The following CSPP1 variants were observed in gnomAD, a reference collection of about 807,000 sequenced individuals.
The protein encoded by CSPP1 is centrosome and spindle pole-associated protein 1.
CSPP1 carries 126 observed loss-of-function variants against 164.4 expected under a neutral mutation model. That is an observed-to-expected ratio of 0.77 (90% CI 0.66 to 0.89). The LOEUF is 0.89. Ranked by LOEUF, CSPP1 falls within the 40% of genes least tolerant of loss-of-function variation. CSPP1 has a pLI of 0.00. For missense variants in CSPP1, 1,395 were observed against 1,449.8 expected (o/e 0.96, Z 0.61); for synonymous variants, 472 against 476.7 (o/e 0.99, Z 0.13).
intron 24 of CSPP1, among the ~76,000 whole-genome samples, chr8:67,168,339 GGGGAGA>G (rs1189666856): frequency 6.7e-5 from 10 of 149,836 alleles, no homozygotes; most frequent in African/African-American, 2.5e-4. Flanking sequence ...GGAGGGGGAG[GGGGAGA>G]GGGAGAGGGA....
At chr8:67,106,180 ATCT>A (rs777566683) in intron 9 of CSPP1, among the ~76,000 whole-genome samples, 4 of 152,062 alleles carry the variant, frequency 2.6e-5, no homozygotes, top group Non-Finnish European at 5.9e-5. Context: ...AATTTTATGT[ATCT>A]TCTTATTTTT....
At chr8:67,115,559 C>G (rs544914060) in intron 12 of CSPP1, among the ~76,000 whole-genome samples, 1 of 152,088 alleles carries the variant, frequency 6.6e-6, no homozygotes, top group Non-Finnish European at 1.5e-5. Flanking sequence ...GTAACCCCAG[C>G]TACTCTGAGG....
At chr8:67,192,367 G>A (rs557896857) in intron 29 of CSPP1, among the ~76,000 whole-genome samples, 184 of 152,208 alleles carry the variant, frequency 1.2e-3, no homozygotes, top group Middle Eastern at 0.01. Flanking sequence ...GAGCCACCGC[G>A]CCCAGCCCTT....
Position 67,095,473 on chromosome 8 carries a change from G to A in CSPP1, c.664G>A (p.Asp222Asn). Residue 222 changes from aspartate (D) to asparagine (N), a missense_variant, in exon 7 of 31, where the codon GAT (aspartate) becomes AAT (asparagine). Coordinates refer to ENST00000678616, the MANE Select transcript of CSPP1 (RefSeq NM_001382391.1). Reference protein sequence around the residue: ...LEEDRYRQLDDEIELRNRRII... With the variant: ...LEEDRYRQLDNEIELRNRRII... ...GGAGGACAGATACCGACAACTAGAT[G>A]ATGAAATCGAATTAAGGAATAGAAG... 6.2e-7 allele frequency: 1 copy of A among 1,613,392 alleles called. No individual in the cohort carries two copies. The highest frequency in any genetic ancestry group is 8.5e-7 in the Non-Finnish European group (1 of 1,179,860).
At chr8:67,193,694 A>G in intron 30 of CSPP1, 92 bp downstream of exon 30, 3 of 1,164,282 alleles carry the variant, frequency 2.6e-6, no homozygotes, top group Non-Finnish European at 3.7e-6. Context: ...TGAGGGATAG[A>G]TGGAATGAGT....
rs572686123 is a variant in CSPP1 at position 67,094,296 on chromosome 8, C to T, written c.483+655C>T. Among the ~76,000 whole-genome samples, 12 of 112,720 alleles carry T rather than the reference C, an allele frequency of 1.1e-4. No individual in the cohort carries two copies. In the South Asian group the frequency reaches 1.8e-3, roughly 17 times the overall value. The allele number at this position is 112,720 out of a possible 152,430, so 73.9% of individuals were successfully genotyped here. On this transcript the variant is annotated intron_variant, in intron 6 of 30. Transcript: ENST00000678616. ...CTTTTTTTTTTTTTTTTTTTTGAGA[C>T]GGAGTCTTGCTCTGTCACCCAGGCT... is the stretch of plus-strand genomic sequence containing the variant.
At chr8:67,091,177 A>G (rs1489877341) in intron 4 of CSPP1, among the ~76,000 whole-genome samples, 2 of 152,210 alleles carry the variant, frequency 1.3e-5, no homozygotes, top group Non-Finnish European at 2.9e-5. Flanking sequence ...TCTGTCAGAA[A>G]AGTTAAGTGA....
chr8:67,113,177 G>A (rs752932044), intron 10 of CSPP1, among the ~76,000 whole-genome samples: 9 of 152,092 alleles, frequency 5.9e-5, no homozygotes, highest in Non-Finnish European at 7.3e-5. Flanking sequence ...CCTGGGAGGC[G>A]GAGTTTGCAG....
Position 67,092,146 on chromosome 8 carries a change from C to A in CSPP1, c.384+263C>A, listed in dbSNP as rs960074913. Among the ~76,000 whole-genome samples the A allele has an allele frequency of 2.0e-5, 3 of 151,936 alleles. No homozygotes were observed. The East Asian group carries it at 5.8e-4, about 29-fold the overall frequency. On this transcript the variant is annotated intron_variant, in intron 5 of 30. Transcript: ENST00000678616. ...ATTCAGTTATACTTAACTGAATATT[C>A]AGAATTCATTTTTTTCAGCATTGAT... is the stretch of plus-strand genomic sequence containing the variant.
chr8:67,151,246 A>G (rs1283429293), intron 18 of CSPP1, among the ~76,000 whole-genome samples: 1 of 152,226 alleles, frequency 6.6e-6, no homozygotes, highest in Non-Finnish European at 1.5e-5. Flanking sequence ...TTTGATTTTT[A>G]GAGCACTAAA....
chr8:67,172,553 G>A lies in CSPP1; in HGVS notation c.2966G>A (p.Arg989Lys), dbSNP rs753413923. 3 of 1,610,124 alleles carry A rather than the reference G, an allele frequency of 1.9e-6. 1 individual carries two copies. In the Admixed American group the frequency reaches 5.0e-5, roughly 27 times the overall value. The change falls in exon 25 of 31, where the codon AGA becomes AAA. Residue 989 changes from arginine to lysine, a missense_variant and splice_region_variant. Coordinates refer to ENST00000678616, the MANE Select transcript of CSPP1 (RefSeq NM_001382391.1). ...NVHDFNELKD[R>K]DSETRVDLKF... ...CATGATTTTAATGAGCTGAAAGATA[G>A]AGGTGAGTAGATTGCTGCTCTTTTA...
chr8:67,193,121 G>GA (rs1400834397), intron 29 of CSPP1, among the ~76,000 whole-genome samples: 2 of 151,978 alleles, frequency 1.3e-5, no homozygotes, highest in African/African-American at 4.8e-5. Context: ...TGATTTGCTG[G>GA]TTTTTTTCTT....
At chr8:67,194,619 T>TCAAA (rs1837371530) in intron 30 of CSPP1, among the ~76,000 whole-genome samples, 1 of 152,038 alleles carries the variant, frequency 6.6e-6, no homozygotes, top group Non-Finnish European at 1.5e-5. Context: ...CATTGTCCTT[T>TCAAA]CAAACAGGAG....
In CSPP1 at chr8:67,193,611, C is replaced by T. The variant is rs1258927632; in HGVS notation, c.3469+9C>T. 2 of 1,610,428 alleles carry T rather than the reference C, an allele frequency of 1.2e-6. No homozygotes were observed. The highest frequency in any genetic ancestry group is 1.7e-6 in the Non-Finnish European group (2 of 1,177,548). On this transcript the variant is annotated intron_variant, in intron 30 of 30. Coordinates refer to ENST00000678616, the MANE Select transcript of CSPP1 (RefSeq NM_001382391.1). ...TAAACCTATTAATACAGGTAAATGA[C>T]CAAGTGTAATGGCCTATAGTAGAAT...
chr8:67,116,819 G>A (rs1818021362), intron 13 of CSPP1, among the ~76,000 whole-genome samples: 1 of 151,936 alleles, frequency 6.6e-6, no homozygotes, highest in Non-Finnish European at 1.5e-5. Flanking sequence ...AAATTTAGAG[G>A]TGTTTTTCTT....
intron 9 of CSPP1, among the ~76,000 whole-genome samples, chr8:67,111,065 G>A (rs754780619): frequency 9.2e-5 from 14 of 152,130 alleles, no homozygotes; most frequent in Non-Finnish European, 1.8e-4. Flanking sequence ...GATGCTGTGT[G>A]CCCACTGATG....
At chr8:67,118,147 A>T (rs188429626) in intron 13 of CSPP1, 101 bp from the exon 14 acceptor site, 1 of 1,235,164 alleles carries the variant, frequency 8.1e-7, no homozygotes, top group Non-Finnish European at 1.2e-6. Context: ...TAAAGTAGTG[A>T]TAGGATTTTC....
In CSPP1 at chr8:67,118,758, T is replaced by C. The variant is rs1818419500; in HGVS notation, c.1634T>C (p.Met545Thr). ...PSLAYYGSGM[M>T]GVQPAAYVSA... ...TTTCTTTAAGATGGTTCAGGAATGA[T>C]GGGCGTACAGCCTGCAGCTTATGTT... Residue 545 changes from methionine (M) to threonine (T), a missense_variant, in exon 15 of 31, where the codon ATG becomes ACG. Met to Thr is a moderately conservative substitution (Grantham distance 81). Coordinates refer to ENST00000678616, the MANE Select transcript of CSPP1 (RefSeq NM_001382391.1). The C allele has an allele frequency of 1.9e-6, 3 of 1,610,718 alleles. No homozygotes were observed. The highest frequency in any genetic ancestry group is 2.5e-6 in the Non-Finnish European group (3 of 1,177,456).
At chr8:67,194,507 A>C (rs1348953700) in intron 30 of CSPP1, among the ~76,000 whole-genome samples, 1 of 152,142 alleles carries the variant, frequency 6.6e-6, no homozygotes, top group Non-Finnish European at 1.5e-5. Context: ...TTTCTTTTAG[A>C]CCCAACAAAC....
Sources: allele counts gnomAD v4.1 joint callset (sites outside exome capture counted in the v4.1 genomes callset), GRCh38; gene constraint gnomAD v4.1.1; transcripts MANE v1.5; gene names NCBI Gene and HGNC (gene_info 2026-07-23, HGNC 2026-07-21).